Variants in SCAPER observed in about 807,000 individuals in gnomAD.
SCAPER encodes S-phase cyclin A associated protein in the ER, also known as S phase cyclin A-associated protein in the endoplasmic reticulum.
SCAPER carries 98 observed loss-of-function variants against 182.2 expected under a neutral mutation model. The ratio of observed to expected loss-of-function variants is 0.54; its 90% CI spans 0.46 to 0.64. SCAPER has a LOEUF of 0.64. SCAPER is among the 30% of genes least tolerant of loss of function. The probability of loss-of-function intolerance (pLI) is 0.00; values close to 1 mark genes in which losing one functional copy is unlikely to be tolerated. For missense variants in SCAPER, 1,432 were observed against 1,690.0 expected (o/e 0.85, Z 2.68); for synonymous variants, 605 against 564.6 (o/e 1.07, Z -1.01).
intron 5 of SCAPER, among the ~76,000 whole-genome samples, chr15:76,820,334 C>A (rs1274750342): frequency 6.6e-6 from 1 of 152,040 alleles, no homozygotes; most frequent in African/African-American, 2.4e-5. Context: ...GACTTGGAAC[C>A]AACCCAAATG....
intron 5 of SCAPER, among the ~76,000 whole-genome samples, chr15:76,814,743 A>G (rs1212441232): frequency 1.3e-5 from 2 of 152,200 alleles, no homozygotes; most frequent in Non-Finnish European, 2.9e-5. Context: ...TCATGCAACA[A>G]AAGCGAAAAT....
chr15:76,567,372 T>A (rs1259898387), intron 23 of SCAPER: 2 of 454,694 alleles, frequency 4.4e-6, no homozygotes, highest in Non-Finnish European at 8.8e-6. Flanking sequence ...TCTTGCCTGG[T>A]GGATATATGC....
intron 26 of SCAPER, among the ~76,000 whole-genome samples, chr15:76,405,364 GCCTCGGCCTCCTA>G: frequency 6.6e-6 from 1 of 151,754 alleles, no homozygotes; most frequent in South Asian, 2.1e-4. Flanking sequence ...CGATCCTCCT[GCCTCGGCCTCCTA>G]AAGTGCTACA....
chr15:76,696,153 A>G (rs1193415398), intron 20 of SCAPER, among the ~76,000 whole-genome samples: 1 of 152,148 alleles, frequency 6.6e-6, no homozygotes, highest in East Asian at 1.9e-4. Flanking sequence ...ATTATCTTTT[A>G]TTTCCCAGAC....
In SCAPER at chr15:76,464,007, CTTTT is replaced by C. The variant is rs10630336; in HGVS notation, c.3078+7201_3078+7204del. 2.3e-3 allele frequency among the ~76,000 whole-genome samples: 271 copies of C among 120,364 alleles called. 2 individuals carry two copies. Among genetic ancestry groups the C allele is most frequent in the African/African-American group, 8.1e-3 (254 of 31,326 alleles). 79.0% of individuals were successfully genotyped at this position (120,364 alleles called of 152,430 possible). A position where few individuals can be genotyped will look rare whatever the true frequency, so the allele number is the denominator to read the frequency against. On this transcript the variant is annotated intron_variant, in intron 25 of 31. Coordinates refer to ENST00000563290, the MANE Select transcript of SCAPER (RefSeq NM_020843.4). ...AGCACTCAGTAGTACTTTCACTGGTCTTTTTTTTTTTTTTTTTTGTAAAAAGACA... is the reference window on the plus strand; with the variant it reads ...AGCACTCAGTAGTACTTTCACTGGTCTTTTTTTTTTTTTTGTAAAAAGACA...
chr15:76,732,951 C>T (rs368116077), intron 16 of SCAPER, among the ~76,000 whole-genome samples: 8 of 152,188 alleles, frequency 5.3e-5, no homozygotes, highest in South Asian at 2.1e-4. Flanking sequence ...CTTGACCTTA[C>T]GTATCATTGG....
rs369158409 is a variant in SCAPER, at chr15:76,394,393, C to T, written c.3467+10131G>A. Among the ~76,000 whole-genome samples, 8 of 152,258 alleles carry T rather than the reference C, an allele frequency of 5.3e-5. No homozygotes were observed. The East Asian group carries it at 1.3e-3, about 26-fold the overall frequency. ...GACCAGATAGGGGACTTTAAGTTTC[C>T]TTTCAATCAACAGAATGTGGCAGTA... On this transcript the variant is annotated intron_variant, in intron 27 of 31. Coordinates refer to ENST00000563290, the MANE Select transcript of SCAPER (RefSeq NM_020843.4).
At chr15:76,430,362 C>T (rs992187744) in intron 26 of SCAPER, among the ~76,000 whole-genome samples, 2 of 152,238 alleles carry the variant, frequency 1.3e-5, no homozygotes, top group Non-Finnish European at 2.9e-5. Flanking sequence ...GATCCATTGA[C>T]AGCTTGCACC....
chr15:76,583,891 T>A (rs1016998645), intron 22 of SCAPER, among the ~76,000 whole-genome samples: 2 of 152,164 alleles, frequency 1.3e-5, no homozygotes, highest in African/African-American at 4.8e-5. Flanking sequence ...GAAACAGAGC[T>A]ACCATATGAT....
At position 76,701,854 on chromosome 15, in the gene SCAPER, C is replaced by T. The variant is rs779529007; in HGVS notation, c.2412G>A (p.Glu804=). The change falls in exon 20 of 32, where the codon GAG becomes GAA. Residue 804 remains glutamate, a synonymous_variant. Coordinates refer to ENST00000563290, the MANE Select transcript of SCAPER (RefSeq NM_020843.4). ...CTTTAACATGGCTAAAAAGATATAC[C>T]TCTGAAGAGATCTGAAAGCACAAAA... is the stretch of plus-strand genomic sequence containing the variant. The part of the protein sequence containing the change: ...CSLCNVLISS[E]VYLFSHVKGR... 6.2e-7 allele frequency: 1 copy of T among 1,613,222 alleles called. No homozygotes were observed. Among genetic ancestry groups the T allele is most frequent in the East Asian group, 2.2e-5 (1 of 44,846 alleles).
At chr15:76,680,803 A>G (rs1190561582) in intron 20 of SCAPER, among the ~76,000 whole-genome samples, 3 of 152,164 alleles carry the variant, frequency 2.0e-5, no homozygotes, top group Non-Finnish European at 4.4e-5. Context: ...TATGTGCTCA[A>G]TCTTAAACCT....
intron 21 of SCAPER, among the ~76,000 whole-genome samples, chr15:76,632,593 C>T (rs2053212701): frequency 6.6e-6 from 1 of 152,104 alleles, no homozygotes; most frequent in African/African-American, 2.4e-5. Flanking sequence ...CTTCTGAAGC[C>T]TACTTCTGTC....
At chr15:76,828,860 G>A (rs992509209) in intron 5 of SCAPER, among the ~76,000 whole-genome samples, 1 of 152,064 alleles carries the variant, frequency 6.6e-6, no homozygotes, top group Non-Finnish European at 1.5e-5. Context: ...AAAACGATAA[G>A]ATTATAACAT....
At chr15:76,446,278 C>A (rs1026036007) in intron 25 of SCAPER, among the ~76,000 whole-genome samples, 26 of 152,176 alleles carry the variant, frequency 1.7e-4, no homozygotes, top group African/African-American at 5.8e-4. Context: ...CAAGGTGACA[C>A]GTGAAAGTGC....
At chr15:76,383,085 GGTGT>G (rs75365486) in intron 27 of SCAPER, among the ~76,000 whole-genome samples, 16 of 148,454 alleles carry the variant, frequency 1.1e-4, no homozygotes, top group African/African-American at 2.3e-4. Flanking sequence ...TGTGTGTATA[GGTGT>G]GTGTGTGTGT....
chr15:76,475,265 CTTAA>C (rs1472208891), intron 24 of SCAPER, among the ~76,000 whole-genome samples: 5 of 151,940 alleles, frequency 3.3e-5, no homozygotes, highest in African/African-American at 9.7e-5. Flanking sequence ...TTTCCCATAT[CTTAA>C]TTAATATATA....
chr15:76,615,236 G>C (rs747361257), intron 22 of SCAPER, among the ~76,000 whole-genome samples: 4 of 151,872 alleles, frequency 2.6e-5, no homozygotes, highest in Non-Finnish European at 5.9e-5. Context: ...CTTGAGCCCA[G>C]GAGTTCAAAA....
At chr15:76,849,019 C>T (rs1428598891) in intron 4 of SCAPER, among the ~76,000 whole-genome samples, 2 of 152,190 alleles carry the variant, frequency 1.3e-5, no homozygotes, top group Non-Finnish European at 2.9e-5. Flanking sequence ...TGCTATCCCT[C>T]CTGCCCTTGG....
At chr15:76,618,057 G>C (rs935284265) in intron 22 of SCAPER, among the ~76,000 whole-genome samples, 1 of 152,220 alleles carries the variant, frequency 6.6e-6, no homozygotes, top group East Asian at 1.9e-4. Flanking sequence ...TCAGGAGATC[G>C]AGACCAGTCT....
Sources: allele counts gnomAD v4.1 joint callset (sites outside exome capture counted in the v4.1 genomes callset), GRCh38; gene constraint gnomAD v4.1.1; transcripts MANE v1.5; gene names NCBI Gene and HGNC (gene_info 2026-07-23, HGNC 2026-07-21).